The following NR5A2 variants were observed in gnomAD, a reference collection of about 807,000 sequenced individuals.
NR5A2 encodes the protein nuclear receptor subfamily 5 group A member 2, also known as CYP7A promoter-binding factor.
Under a neutral mutation model 62.7 loss-of-function variants are expected in NR5A2, and 26 were observed. The ratio of observed to expected loss-of-function variants is 0.41; its 90% CI spans 0.30 to 0.58. The LOEUF is 0.58. Among genes scored for constraint, NR5A2 ranks in the 20% least tolerant of loss-of-function variants. The pLI is 0.22. For synonymous variants in NR5A2, 246 were observed against 241.7 expected (o/e 1.02, Z -0.16); for missense variants, 541 against 669.1 (o/e 0.81, Z 2.11).
At chr1:200,052,774 T>TG in intron 5 of NR5A2, among the ~76,000 whole-genome samples, 1 of 152,136 alleles carries the variant, frequency 6.6e-6, no homozygotes, top group African/African-American at 2.4e-5. Context: ...CCTGAGTAGC[T>TG]GGGACTACAG....
intron 6 of NR5A2, among the ~76,000 whole-genome samples, chr1:200,117,725 T>TC (rs547176094): frequency 1.5e-4 from 23 of 152,266 alleles, no homozygotes; most frequent in South Asian, 6.2e-4. Flanking sequence ...TCTTTTCTTT[T>TC]TTTTTTGAGA....
intron 6 of NR5A2, among the ~76,000 whole-genome samples, chr1:200,114,721 C>T (rs1025594462): frequency 7.2e-5 from 11 of 152,014 alleles, no homozygotes; most frequent in African/African-American, 2.2e-4. Context: ...AACAACCCCA[C>T]GAAGAAAGGA....
chr1:200,043,093 A>G, intron 2 of NR5A2: 1 of 757,964 alleles, frequency 1.3e-6, no homozygotes. Flanking sequence ...GGCGTCCTCT[A>G]TTTTCTTTTT....
intron 5 of NR5A2, among the ~76,000 whole-genome samples, chr1:200,077,340 T>C (rs1365648536): frequency 6.6e-6 from 1 of 152,240 alleles, no homozygotes; most frequent in African/African-American, 2.4e-5. Context: ...ATTCCGGAGT[T>C]TCAGTAACTC....
At chr1:200,109,573 G>A (rs1032409000) in intron 5 of NR5A2, among the ~76,000 whole-genome samples, 1 of 152,172 alleles carries the variant, frequency 6.6e-6, no homozygotes. Flanking sequence ...TGAGCTCACT[G>A]TGTCCTGAAA....
intron 7 of NR5A2, among the ~76,000 whole-genome samples, chr1:200,159,849 C>A (rs1192744262): frequency 6.6e-6 from 1 of 152,038 alleles, no homozygotes; most frequent in Non-Finnish European, 1.5e-5. Flanking sequence ...GACGGGGTTT[C>A]ACCATGTTGC....
chr1:200,173,857 T>A (rs1429491007), intron 7 of NR5A2, 106 bp from the exon 8 acceptor site: 2 of 1,193,882 alleles, frequency 1.7e-6, no homozygotes, highest in Non-Finnish European at 2.2e-6. Flanking sequence ...TAAAGTATGT[T>A]TATGTCAAAA....
At chr1:200,043,040 C>T in intron 2 of NR5A2, 5 of 972,468 alleles carry the variant, frequency 5.1e-6, no homozygotes, top group Non-Finnish European at 4.9e-6. Context: ...AAACCAAAAC[C>T]CTTCTGTGTG....
chr1:200,146,449 G>C (rs1667698283), intron 7 of NR5A2, among the ~76,000 whole-genome samples: 1 of 152,146 alleles, frequency 6.6e-6, no homozygotes, highest in Non-Finnish European at 1.5e-5. Context: ...AGTTGTGATT[G>C]TAACAGGCTG....
intron 5 of NR5A2, among the ~76,000 whole-genome samples, chr1:200,095,135 A>G (rs1040771138): frequency 2.0e-5 from 3 of 151,526 alleles, no homozygotes; most frequent in Non-Finnish European, 4.4e-5. Context: ...AAAAGAAAAA[A>G]AAAAAAAAGA....
At chr1:200,130,179 G>A (rs1338447133) in intron 7 of NR5A2, among the ~76,000 whole-genome samples, 2 of 151,984 alleles carry the variant, frequency 1.3e-5, no homozygotes, top group Non-Finnish European at 2.9e-5. Context: ...CTGAAACAAA[G>A]GGAAAAATGA....
intron 5 of NR5A2, among the ~76,000 whole-genome samples, chr1:200,095,013 C>T (rs1006972470): frequency 2.6e-5 from 4 of 151,808 alleles, no homozygotes; most frequent in Non-Finnish European, 5.9e-5. Flanking sequence ...TGTAAGATTC[C>T]AAATCTTAGG....
At chr1:200,108,910 C>A (rs914074344) in intron 5 of NR5A2, among the ~76,000 whole-genome samples, 8 of 152,180 alleles carry the variant, frequency 5.3e-5, no homozygotes, top group African/African-American at 1.4e-4. Flanking sequence ...CAGCTGTGGG[C>A]AGGGAACATT....
At position 200,102,461 on chromosome 1, in the gene NR5A2, C is replaced by T. The variant is rs1665422491; in HGVS notation, c.1111-8741C>T. Among the ~76,000 whole-genome samples the T allele has an allele frequency of 2.0e-5, 3 of 152,144 alleles. No homozygotes were observed. The South Asian group carries it at 6.2e-4, about 32-fold the overall frequency. On this transcript the variant is annotated intron_variant, in intron 5 of 7. Coordinates refer to ENST00000367362, the MANE Select transcript of NR5A2 (RefSeq NM_205860.3). ...ACCAGCCTGTTTTGCTTTCTGTCTA[C>T]CCCTTCTGCTGACAGCTATCATGTT...
chr1:200,081,235 C>A (rs1207868872), intron 5 of NR5A2, among the ~76,000 whole-genome samples: 1 of 152,234 alleles, frequency 6.6e-6, no homozygotes, highest in African/African-American at 2.4e-5. Flanking sequence ...CCAAACCACA[C>A]AGGCATGCTT....
chr1:200,038,561 T>G (rs1417956028), intron 1 of NR5A2: 1 of 501,506 alleles, frequency 2.0e-6, no homozygotes. Context: ...AGACCAACTC[T>G]GCATGTAAGA....
intron 7 of NR5A2, among the ~76,000 whole-genome samples, chr1:200,133,017 TAG>T (rs779691538): frequency 4.3e-4 from 66 of 152,238 alleles, no homozygotes; most frequent in Non-Finnish European, 6.0e-4. Flanking sequence ...CACAGTCATG[TAG>T]AGTCAGGATT....
chr1:200,087,778 G>A (rs549139201), intron 5 of NR5A2, among the ~76,000 whole-genome samples: 1 of 150,648 alleles, frequency 6.6e-6, no homozygotes, highest in Non-Finnish European at 1.5e-5. Flanking sequence ...TTGAGATAGA[G>A]TCTTGCTCTG....
At position 200,048,538 on chromosome 1, in the gene NR5A2, A is replaced by C. The variant is rs1662484014; in HGVS notation, c.830A>C (p.Tyr277Ser). The change falls in exon 5 of 8, where the codon TAT (tyrosine) becomes TCT (serine). Residue 277 changes from tyrosine to serine, a missense_variant. Coordinates refer to ENST00000367362, the MANE Select transcript of NR5A2 (RefSeq NM_205860.3). The surrounding 1 kb of genome is among the most constrained non-coding windows in gnomAD (Gnocchi z 4.8). ...RAIKSEYPDP[Y>S]TSSPESIMGY... Reference sequence around the variant, plus strand: ...ATCAAGTCTGAGTACCCAGACCCCTATACCAGCTCACCCGAGTCCATAATG... The same window carrying C: ...ATCAAGTCTGAGTACCCAGACCCCTCTACCAGCTCACCCGAGTCCATAATG... 3 of 1,614,156 alleles carry C rather than the reference A, an allele frequency of 1.9e-6. No individual in the cohort carries two copies. The South Asian group carries it at 3.3e-5, about 18-fold the overall frequency.
Sources: gnomAD v4.1 joint callset for allele counts (sites outside exome capture counted in the v4.1 genomes callset) on GRCh38, gnomAD v4.1.1 for gene constraint, Gnocchi (gnomAD v3.1) non-coding constraint, MANE v1.5 for transcripts, NCBI Gene and HGNC (gene_info 2026-07-23, HGNC 2026-07-21) for gene names.